IL1RAP: variants seen among roughly 807,000 people sequenced by gnomAD.
IL1RAP encodes interleukin 1 receptor accessory protein, also known as interleukin-1 receptor accessory protein.
IL1RAP carries 35 observed loss-of-function variants against 60.7 expected under a neutral mutation model. The observed-to-expected ratio is 0.58, with a 90% CI of 0.44 to 0.76. IL1RAP has a LOEUF of 0.76. Ranked by LOEUF, IL1RAP falls within the 30% of genes least tolerant of loss-of-function variation. IL1RAP has a pLI of 0.00. For missense variants in IL1RAP, 572 were observed against 693.9 expected (o/e 0.82, Z 1.97); for synonymous variants, 268 against 250.9 (o/e 1.07, Z -0.64).
chr3:190,556,006 A>G (rs1725398799), intron 1 of IL1RAP, 124 bp from the exon 2 acceptor site: 1 of 150,718 alleles, frequency 6.6e-6, no homozygotes. Context: ...TCTTTCTGTA[A>G]CCTCTTCCTG....
intron 1 of IL1RAP, among the ~76,000 whole-genome samples, chr3:190,549,107 A>T (rs939988426): frequency 5.3e-5 from 8 of 151,732 alleles, no homozygotes; most frequent in Non-Finnish European, 1.2e-4. Flanking sequence ...AAGGAAAAAA[A>T]GGGAAACAGG....
At chr3:190,643,557 G>T (rs546824080) in intron 9 of IL1RAP, among the ~76,000 whole-genome samples, 23 of 152,242 alleles carry the variant, frequency 1.5e-4, no homozygotes, top group African/African-American at 5.3e-4. Context: ...AGATAATGCA[G>T]AAATCTGTTC....
chr3:190,580,323 T>C (rs2108676884), intron 3 of IL1RAP, among the ~76,000 whole-genome samples: 1 of 152,356 alleles, frequency 6.6e-6, no homozygotes, highest in East Asian at 1.9e-4. Flanking sequence ...TATGCTCAAC[T>C]GATTTCAACT....
chr3:190,582,020 A>C (rs1275990706), intron 3 of IL1RAP, among the ~76,000 whole-genome samples: 3 of 152,192 alleles, frequency 2.0e-5, no homozygotes, highest in African/African-American at 7.2e-5. Context: ...AAGGAGGATA[A>C]AAGATGTTGA....
intron 9 of IL1RAP, among the ~76,000 whole-genome samples, chr3:190,636,371 C>T (rs1733225078): frequency 6.6e-6 from 1 of 152,098 alleles, no homozygotes; most frequent in African/African-American, 2.4e-5. Flanking sequence ...CAGTATTTGT[C>T]TCATGTATTT....
chr3:190,558,209 T>A (rs1161759732), intron 2 of IL1RAP, among the ~76,000 whole-genome samples: 2 of 152,198 alleles, frequency 1.3e-5, no homozygotes, highest in African/African-American at 4.8e-5. Flanking sequence ...TTGAATTGTT[T>A]CCAGCTTTAG....
chr3:190,616,715 A>G (rs1379920358), intron 5 of IL1RAP, among the ~76,000 whole-genome samples: 1 of 152,074 alleles, frequency 6.6e-6, no homozygotes, highest in African/African-American at 2.4e-5. Flanking sequence ...CCACCATCCA[A>G]TGTCTTATAT....
intron 9 of IL1RAP, among the ~76,000 whole-genome samples, chr3:190,637,357 C>T (rs1733305855): frequency 6.6e-6 from 1 of 151,906 alleles, no homozygotes; most frequent in South Asian, 2.1e-4. Flanking sequence ...TTTTATATTT[C>T]AAAACTTTAC....
chr3:190,529,539 G>T (rs1465484630), intron 1 of IL1RAP, among the ~76,000 whole-genome samples: 2 of 152,066 alleles, frequency 1.3e-5, no homozygotes, highest in Non-Finnish European at 2.9e-5. Flanking sequence ...ACAAAAATTA[G>T]CTGGGTGTGG....
intron 3 of IL1RAP, among the ~76,000 whole-genome samples, chr3:190,584,624 G>A (rs1233179291): frequency 6.6e-6 from 1 of 152,076 alleles, no homozygotes; most frequent in East Asian, 1.9e-4. Flanking sequence ...TAATAATTTG[G>A]ACCATTTTGT....
intron 9 of IL1RAP, among the ~76,000 whole-genome samples, chr3:190,633,371 A>ATTTTTTTTTTT (rs1187674156): frequency 7.0e-4 from 107 of 152,052 alleles, no homozygotes; most frequent in African/African-American, 2.5e-3. Context: ...ATTTAAATTT[A>ATTTTTTTTTTT]TTTTTGAGAC....
At chr3:190,655,022 A>G (rs575758791), downstream of IL1RAP, among the ~76,000 whole-genome samples, 1 of 152,214 alleles carries the variant, frequency 6.6e-6, no homozygotes, top group South Asian at 2.1e-4. Context: ...CCAATTCTTC[A>G]CACACAGACG....
intron 3 of IL1RAP, among the ~76,000 whole-genome samples, chr3:190,587,944 T>G (rs1008912833): frequency 5.3e-5 from 8 of 152,160 alleles, no homozygotes; most frequent in African/African-American, 1.9e-4. Context: ...ATAATATGTC[T>G]AAAACTTCCA....
chr3:190,656,750 T>G, exon 12 of IL1RAP: 1 of 600,214 alleles, frequency 1.7e-6, no homozygotes. Flanking sequence ...TATTTATTTC[T>G]AGGAGACAAA....
intron 3 of IL1RAP, among the ~76,000 whole-genome samples, chr3:190,595,794 A>G (rs1048630484): frequency 6.6e-5 from 10 of 152,212 alleles, no homozygotes; most frequent in African/African-American, 2.4e-4. Context: ...AAAATGTAGC[A>G]CAATATAATA....
chr3:190,576,782 A>G (rs866547368), intron 3 of IL1RAP, among the ~76,000 whole-genome samples: 2 of 152,216 alleles, frequency 1.3e-5, no homozygotes, highest in South Asian at 4.1e-4. Context: ...ACTCGGAGAA[A>G]TGCATCAAGA....
chr3:190,589,103 G>A (rs1051792985), intron 3 of IL1RAP, among the ~76,000 whole-genome samples: 1 of 152,110 alleles, frequency 6.6e-6, no homozygotes, highest in African/African-American at 2.4e-5. Context: ...CCACCTTCCA[G>A]CTCTAACATG....
intron 7 of IL1RAP, chr3:190,624,639 A>G (rs749024755): frequency 2.0e-5 from 4 of 197,038 alleles, no homozygotes; most frequent in Non-Finnish European, 4.4e-5. Context: ...AGGTGGAAAA[A>G]GAGGTATGTA....
At chr3:190,606,090 G>A (rs534407178) in intron 4 of IL1RAP, among the ~76,000 whole-genome samples, 1 of 152,176 alleles carries the variant, frequency 6.6e-6, no homozygotes, top group East Asian at 1.9e-4. Flanking sequence ...GGGGTTGCAG[G>A]TAAGGGGGAT....
Sources: gnomAD v4.1 joint callset for allele counts (sites outside exome capture counted in the v4.1 genomes callset) on GRCh38, gnomAD v4.1.1 for gene constraint, MANE v1.5 for transcripts, NCBI Gene and HGNC (gene_info 2026-07-23, HGNC 2026-07-21) for gene names.